PIK3C2A: variants seen among roughly 807,000 people sequenced by gnomAD.
PIK3C2A encodes the protein phosphatidylinositol 4-phosphate 3-kinase C2 domain-containing subunit alpha.
Under a neutral mutation model 204.5 loss-of-function variants are expected in PIK3C2A, and 97 were observed. The ratio of observed to expected loss-of-function variants is 0.47; its 90% CI spans 0.40 to 0.56. The LOEUF is 0.56. Among genes scored for constraint, PIK3C2A ranks in the 20% least tolerant of loss-of-function variants. The pLI, the probability that PIK3C2A is intolerant of heterozygous loss-of-function variation, is 0.00. For missense variants in PIK3C2A, 1,735 were observed against 1,969.2 expected (o/e 0.88, Z 2.25); for synonymous variants, 653 against 664.4 (o/e 0.98, Z 0.26).
chr11:17,205,992 G>A lies in PIK3C2A; in HGVS notation c.-66+1856C>T, dbSNP rs900467268. 7.9e-5 allele frequency among the ~76,000 whole-genome samples: 12 copies of A among 152,170 alleles called. No homozygotes were observed. In the South Asian group the frequency reaches 1.5e-3, roughly 18 times the overall value. ...ACAAAAATGAGCCATGTGTGGTGGC[G>A]CGTGCCTGTAATTCCAGCTACTCAG... On this transcript the variant is annotated intron_variant, in intron 1 of 32. Coordinates refer to ENST00000691414, the MANE Select transcript of PIK3C2A (RefSeq NM_002645.4).
chr11:17,166,874 G>A (rs1850972689), intron 2 of PIK3C2A, among the ~76,000 whole-genome samples: 1 of 152,284 alleles, frequency 6.6e-6, no homozygotes, highest in African/African-American at 2.4e-5. Flanking sequence ...CACAGCTGGG[G>A]AGTCATCTGC....
intron 13 of PIK3C2A, among the ~76,000 whole-genome samples, chr11:17,126,640 C>A (rs1017876429): frequency 6.6e-6 from 1 of 152,110 alleles, no homozygotes; most frequent in African/African-American, 2.4e-5. Flanking sequence ...TAATAATCAT[C>A]TCTCTTAATC....
chr11:17,196,320 T>C (rs2137568521), intron 1 of PIK3C2A, among the ~76,000 whole-genome samples: 1 of 152,300 alleles, frequency 6.6e-6, no homozygotes, highest in African/African-American at 2.4e-5. Flanking sequence ...TGTGATCTGA[T>C]TTACATTGCT....
intron 8 of PIK3C2A, among the ~76,000 whole-genome samples, chr11:17,142,886 A>G (rs1344343033): frequency 6.6e-6 from 1 of 151,926 alleles, no homozygotes; most frequent in African/African-American, 2.4e-5. Context: ...CTGTAAAACC[A>G]CTTAACTTTC....
rs1236043148 is a variant in PIK3C2A, at chr11:17,168,853, T to A, written c.889A>T (p.Ser297Cys). The A allele has an allele frequency of 1.2e-6, 2 of 1,614,008 alleles. No homozygotes were observed. The highest frequency in any genetic ancestry group is 1.7e-6 in the Non-Finnish European group (2 of 1,180,018). Residue 297 changes from serine to cysteine, a missense_variant, in exon 2 of 33, where the codon AGT (serine) becomes TGT (cysteine). By Grantham distance (112) the Ser-to-Cys change is moderately radical. This residue lies in a region of PIK3C2A where 536 missense variants were observed against 546.7 expected (regional missense o/e 0.98). Coordinates refer to ENST00000691414, the MANE Select transcript of PIK3C2A (RefSeq NM_002645.4). Reference sequence around the variant, plus strand: ...TCCCAAGGATCCTTTGCTAGCAAACTTGAAACATTTTTCTCTTCCTCATGG... The same window carrying A: ...TCCCAAGGATCCTTTGCTAGCAAACATGAAACATTTTTCTCTTCCTCATGG... ...LDHEEEKNVS[S>C]LLAKDPWDAV...
intron 8 of PIK3C2A, among the ~76,000 whole-genome samples, chr11:17,138,619 C>T (rs1360524715): frequency 6.6e-6 from 1 of 152,100 alleles, no homozygotes; most frequent in Admixed American, 6.6e-5. Context: ...TCGCTGGACC[C>T]CTTAGAGTAG....
chr11:17,142,033 T>C (rs112940944), intron 8 of PIK3C2A, among the ~76,000 whole-genome samples: 4 of 152,132 alleles, frequency 2.6e-5, no homozygotes, highest in African/African-American at 9.7e-5. Flanking sequence ...ATATGAGGTA[T>C]CTCTGTACCT....
At chr11:17,138,953 G>A (rs1355490385) in intron 8 of PIK3C2A, among the ~76,000 whole-genome samples, 1 of 151,974 alleles carries the variant, frequency 6.6e-6, no homozygotes, top group Non-Finnish European at 1.5e-5. Flanking sequence ...TGTCCCCCAG[G>A]CTGGAGTGCG....
intron 26 of PIK3C2A, 136 bp downstream of exon 26, chr11:17,099,724 C>G: frequency 2.0e-6 from 1 of 511,788 alleles, no homozygotes; most frequent in South Asian, 3.2e-5. Context: ...TGACAGCCTA[C>G]TATGTGCAAT....
chr11:17,203,588 T>C (rs1042591624), intron 1 of PIK3C2A, among the ~76,000 whole-genome samples: 4 of 152,190 alleles, frequency 2.6e-5, no homozygotes, highest in African/African-American at 9.7e-5. Flanking sequence ...GATTACAAAT[T>C]ATAAATTACC....
intron 12 of PIK3C2A, among the ~76,000 whole-genome samples, chr11:17,131,162 T>A (rs1163155053): frequency 6.6e-6 from 1 of 152,184 alleles, no homozygotes. Context: ...CACTCTAGCC[T>A]GGGCAACAAG....
Position 17,147,501 on chromosome 11 carries a change from T to G in PIK3C2A, c.1560+16A>C, listed in dbSNP as rs772166659. On this transcript the variant is annotated intron_variant, in intron 6 of 32. Transcript: ENST00000691414. ...GATTCAAACAAATGGAATTCAGTTA[T>G]GAGGTACACACTTACTGTTCGGGCC... 1.2e-5 allele frequency: 15 copies of G among 1,297,568 alleles called. No individual in the cohort carries two copies. Among genetic ancestry groups the G allele is most frequent in the Non-Finnish European group, 1.6e-5 (14 of 898,326 alleles). 80.4% of individuals were successfully genotyped at this position (1,297,568 alleles called of 1,614,324 possible). A position where few individuals can be genotyped will look rare whatever the true frequency, so the allele number is the denominator to read the frequency against.
rs1377673597 is a variant in PIK3C2A at position 17,132,431 on chromosome 11, G to A, written c.2109-393C>T. ...TGCAAGCTCTGCTTCCCGGGTTCAC[G>A]CCATTCTCCTGCCTCAGCCTCCCGA... On this transcript the variant is annotated intron_variant, in intron 11 of 32. Transcript: ENST00000691414. Among the ~76,000 whole-genome samples, 3 of 144,434 alleles carry A rather than the reference G, an allele frequency of 2.1e-5. No homozygotes were observed. The East Asian group carries it at 6.3e-4, about 30-fold the overall frequency. 94.8% of individuals were successfully genotyped at this position (144,434 alleles called of 152,430 possible).
chr11:17,198,791 A>C (rs977542931), intron 1 of PIK3C2A, among the ~76,000 whole-genome samples: 1 of 138,440 alleles, frequency 7.2e-6, no homozygotes, highest in African/African-American at 2.7e-5. Flanking sequence ...CAACACAGCA[A>C]GACCTCATAA....
chr11:17,095,462 G>C (rs1848427082), intron 27 of PIK3C2A, among the ~76,000 whole-genome samples: 1 of 148,692 alleles, frequency 6.7e-6, no homozygotes, highest in South Asian at 2.1e-4. Flanking sequence ...GTGGTGGTGG[G>C]TACCTGTAGT....
rs779045198 is a variant in PIK3C2A at position 17,105,157 on chromosome 11, C to T, written c.3681+12G>A. ...GACAAAGCTTTTTAGAATGAGGAGA[C>T]ATGCTAATTACCTTTTCATATTCTT... On this transcript the variant is annotated intron_variant, in intron 23 of 32. Coordinates refer to ENST00000691414, the MANE Select transcript of PIK3C2A (RefSeq NM_002645.4). The T allele has an allele frequency of 1.5e-5, 24 of 1,603,390 alleles. No individual in the cohort carries two copies. The highest frequency in any genetic ancestry group is 1.9e-5 in the Non-Finnish European group (22 of 1,170,910).
chr11:17,104,163 G>A (rs538873772), intron 23 of PIK3C2A, among the ~76,000 whole-genome samples: 15 of 152,196 alleles, frequency 9.9e-5, no homozygotes, highest in African/African-American at 3.6e-4. Context: ...GTCTTCCTTA[G>A]GCCAAGTTAG....
chr11:17,133,617 C>T (rs1430181132), intron 11 of PIK3C2A, among the ~76,000 whole-genome samples: 2 of 152,056 alleles, frequency 1.3e-5, no homozygotes, highest in African/African-American at 4.8e-5. Flanking sequence ...TCAGTTCATA[C>T]ATTGATTTTC....
chr11:17,122,248 G>T lies in PIK3C2A; in HGVS notation c.2597C>A (p.Thr866Lys). ...RSIIQQHNLE[T>K]LENDIKGKLL... Reference sequence around the variant, plus strand: ...TTTCCCTTTTATATCATTCTCTAGTGTTTCTAAGTTATGTTGCTGTATAAT... The same window carrying T: ...TTTCCCTTTTATATCATTCTCTAGTTTTTCTAAGTTATGTTGCTGTATAAT... The change falls in exon 15 of 33, where the codon ACA (threonine) becomes AAA (lysine). Residue 866 changes from threonine (T) to lysine (K), a missense_variant. By Grantham distance (78) the Thr-to-Lys change is moderately conservative (BLOSUM62 -1). Transcript: ENST00000691414. 6.5e-7 allele frequency: 1 copy of T among 1,531,204 alleles called. No homozygotes were observed. The highest frequency in any genetic ancestry group is 9.0e-7 in the Non-Finnish European group (1 of 1,106,590). 94.9% of individuals were successfully genotyped at this position (1,531,204 alleles called of 1,614,324 possible). A position where few individuals can be genotyped will look rare whatever the true frequency, so the allele number is the denominator to read the frequency against.
Sources: allele counts gnomAD v4.1 joint callset (sites outside exome capture counted in the v4.1 genomes callset), GRCh38; gene constraint gnomAD v4.1.1; regional missense constraint gnomAD v4.1.1; transcripts MANE v1.5; gene names NCBI Gene and HGNC (gene_info 2026-07-23, HGNC 2026-07-21).